The following GALNT13 variants were observed in gnomAD, a reference collection of about 807,000 sequenced individuals.
GALNT13 encodes the protein polypeptide N-acetylgalactosaminyltransferase 13.
In GALNT13, 28 loss-of-function variants were observed where a neutral mutation model predicts 64.2. The observed-to-expected ratio is 0.44, with a 90% CI of 0.32 to 0.60. The LOEUF (loss-of-function observed/expected upper bound fraction) is 0.60, where lower values mean the gene tolerates loss of function less well. GALNT13 is among the 20% of genes least tolerant of loss of function. GALNT13 has a pLI of 0.05. For synonymous variants in GALNT13, 214 were observed against 224.6 expected (o/e 0.95, Z 0.42); for missense variants, 577 against 669.8 (o/e 0.86, Z 1.53).
chr2:154,094,512 A>G (rs1356447541), intron 3 of GALNT13, among the ~76,000 whole-genome samples: 2 of 152,028 alleles, frequency 1.3e-5, no homozygotes, highest in Non-Finnish European at 2.9e-5. Context: ...TGAATTCTAA[A>G]TGCTTATTTT....
intron 9 of GALNT13, among the ~76,000 whole-genome samples, chr2:154,358,375 A>C (rs886183610): frequency 6.6e-6 from 1 of 152,100 alleles, no homozygotes; most frequent in Non-Finnish European, 1.5e-5. Context: ...TTGGTTACTC[A>C]TACTAAATGC....
At chr2:153,684,043 C>T in the GALNT13 span, among the ~76,000 whole-genome samples, 1 of 146,368 alleles carries the variant, frequency 6.8e-6, no homozygotes, top group East Asian at 2.0e-4. Flanking sequence ...CACTAAAGTC[C>T]TATATCAGTA....
At chr2:153,858,377 G>A in the GALNT13 span, among the ~76,000 whole-genome samples, 295 of 152,262 alleles carry the variant, frequency 1.9e-3, no homozygotes, top group Non-Finnish European at 3.1e-3. Context: ...AGGGTTTTAA[G>A]CAGAGTGGTA....
chr2:153,211,497 A>C, the GALNT13 span, among the ~76,000 whole-genome samples: 1 of 152,196 alleles, frequency 6.6e-6, no homozygotes, highest in Non-Finnish European at 1.5e-5. Context: ...GGCTATCATA[A>C]TGCTAAGGTA....
chr2:154,401,820 A>G (rs1225070334), intron 10 of GALNT13, among the ~76,000 whole-genome samples: 1 of 152,146 alleles, frequency 6.6e-6, no homozygotes, highest in Non-Finnish European at 1.5e-5. Flanking sequence ...TTCAGATATC[A>G]GATAACAATA....
chr2:153,113,061 T>C, the GALNT13 span, among the ~76,000 whole-genome samples: 1 of 152,148 alleles, frequency 6.6e-6, no homozygotes, highest in South Asian at 2.1e-4. Flanking sequence ...GACAAACATG[T>C]TGGTATGTAT....
chr2:153,644,374 C>CACCATTCA, the GALNT13 span, among the ~76,000 whole-genome samples: 2 of 152,154 alleles, frequency 1.3e-5, no homozygotes, highest in Admixed American at 6.6e-5. Context: ...GTGGCCCTTT[C>CACCATTCA]ACCATTCAAT....
chr2:153,090,154 G>T, the GALNT13 span, among the ~76,000 whole-genome samples: 2 of 152,146 alleles, frequency 1.3e-5, no homozygotes, highest in African/African-American at 4.8e-5. Flanking sequence ...ATCCTTTGGC[G>T]TGGTGCTCTC....
intron 3 of GALNT13, among the ~76,000 whole-genome samples, chr2:154,096,500 A>C (rs568730661): frequency 6.6e-6 from 1 of 152,182 alleles, no homozygotes; most frequent in Non-Finnish European, 1.5e-5. Context: ...CATTTCTTGT[A>C]TATACAAAGA....
chr2:154,133,694 T>C (rs1682782455), intron 3 of GALNT13, among the ~76,000 whole-genome samples: 1 of 151,100 alleles, frequency 6.6e-6, no homozygotes, highest in South Asian at 2.1e-4. Flanking sequence ...TTTAAAAAAA[T>C]TATTCACTGA....
chr2:153,234,912 A>G, the GALNT13 span, among the ~76,000 whole-genome samples: 1 of 152,172 alleles, frequency 6.6e-6, no homozygotes, highest in South Asian at 2.1e-4. Context: ...ACTTCGTAGC[A>G]TTTGTTCAAC....
At chr2:153,413,687 A>C in the GALNT13 span, among the ~76,000 whole-genome samples, 1 of 152,202 alleles carries the variant, frequency 6.6e-6, no homozygotes, top group South Asian at 2.1e-4. Context: ...AGACTTGTTG[A>C]AAAATTGGGT....
At chr2:154,298,035 G>A (rs1451668011) in intron 8 of GALNT13, among the ~76,000 whole-genome samples, 1 of 152,034 alleles carries the variant, frequency 6.6e-6, no homozygotes, top group Non-Finnish European at 1.5e-5. Context: ...AAAGAGGTCT[G>A]GGCTGAGATG....
At chr2:154,229,345 G>A (rs1474176274) in intron 4 of GALNT13, among the ~76,000 whole-genome samples, 2 of 151,658 alleles carry the variant, frequency 1.3e-5, no homozygotes, top group Non-Finnish European at 2.9e-5. Context: ...CTTTTGCTGA[G>A]TATGTAATTT....
chr2:154,344,362 G>GGC (rs1695943040), intron 9 of GALNT13, among the ~76,000 whole-genome samples: 2 of 94,844 alleles, frequency 2.1e-5, no homozygotes, highest in Admixed American at 1.4e-4. Flanking sequence ...ATAACATTCT[G>GGC]ACAGTGTTAA....
the GALNT13 span, among the ~76,000 whole-genome samples, chr2:153,353,900 A>G: frequency 1.3e-5 from 2 of 152,180 alleles, no homozygotes; most frequent in Non-Finnish European, 1.5e-5. Flanking sequence ...ATAGTAGGGT[A>G]ATGCCTGCCT....
the GALNT13 span, among the ~76,000 whole-genome samples, chr2:153,101,748 A>C: frequency 1.3e-5 from 2 of 152,230 alleles, no homozygotes; most frequent in African/African-American, 2.4e-5. Flanking sequence ...ACAGAAATTT[A>C]ATAGCTTCAT....
the GALNT13 span, among the ~76,000 whole-genome samples, chr2:153,747,502 G>A: frequency 7.0e-6 from 1 of 143,518 alleles, no homozygotes; most frequent in African/African-American, 2.6e-5. Flanking sequence ...ATCTTGGGTC[G>A]CTGCAATCTC....
At chr2:153,506,598 A>G in the GALNT13 span, among the ~76,000 whole-genome samples, 2 of 152,116 alleles carry the variant, frequency 1.3e-5, no homozygotes, top group Non-Finnish European at 2.9e-5. Context: ...TAATTTATGA[A>G]GCTTAGTTTT....
Sources: gnomAD v4.1 joint callset for allele counts (sites outside exome capture counted in the v4.1 genomes callset) on GRCh38, gnomAD v4.1.1 for gene constraint, MANE v1.5 for transcripts, NCBI Gene and HGNC (gene_info 2026-07-23, HGNC 2026-07-21) for gene names.